ANXA10: variants seen among roughly 807,000 people sequenced by gnomAD.
The protein encoded by ANXA10 is annexin 14.
In ANXA10, 49 loss-of-function variants were observed where a neutral mutation model predicts 53.5. The ratio of observed to expected loss-of-function variants is 0.92; its 90% confidence interval spans 0.73 to 1.16. The LOEUF (loss-of-function observed/expected upper bound fraction) is 1.16, where lower values mean the gene tolerates loss of function less well. ANXA10 is among the 50% of genes most tolerant of loss of function. The pLI is 0.00. For synonymous variants in ANXA10, 131 were observed against 128.9 expected, an observed-to-expected ratio of 1.02 and a Z score of -0.11; for missense variants, 393 against 394.4, an observed-to-expected ratio of 1.00 and a Z score of 0.03.
At chr4:168,117,863 G>A (rs1456790466) in intron 1 of ANXA10, among the ~76,000 whole-genome samples, 1 of 152,102 alleles carries the variant, frequency 6.6e-6, no homozygotes, top group Non-Finnish European at 1.5e-5. Context: ...AACTGACCTT[G>A]GCCAGGATGC....
intron 1 of ANXA10, among the ~76,000 whole-genome samples, chr4:168,106,983 T>C (rs1018638480): frequency 6.6e-6 from 1 of 152,162 alleles, no homozygotes; most frequent in African/African-American, 2.4e-5. Context: ...GCCTCAAAGA[T>C]GGAGGCATTT....
chr4:168,187,009 A>G (rs1031291943), intron 11 of ANXA10, among the ~76,000 whole-genome samples: 36 of 152,206 alleles, frequency 2.4e-4, no homozygotes, highest in Admixed American at 1.1e-3. Flanking sequence ...GAGACATATT[A>G]ATTTGTTCTC....
At chr4:168,155,870 ATATATTATATGTTAT>A (rs1731636512) in intron 3 of ANXA10, among the ~76,000 whole-genome samples, 1 of 19,052 alleles carries the variant, frequency 5.2e-5, no homozygotes, top group African/African-American at 3.0e-4. Context: ...ATGATATATC[ATATATTATATGTTAT>A]ATATAATATA....
intron 1 of ANXA10, among the ~76,000 whole-genome samples, chr4:168,111,285 C>A (rs553618484): frequency 1.3e-5 from 2 of 152,220 alleles, no homozygotes; most frequent in South Asian, 4.1e-4. Context: ...ACACTTAGAT[C>A]CTATGTTAAA....
intron 3 of ANXA10, among the ~76,000 whole-genome samples, chr4:168,149,177 G>A (rs1731453948): frequency 2.6e-5 from 4 of 152,052 alleles, no homozygotes; most frequent in South Asian, 4.1e-4. Flanking sequence ...GAGGATTCAC[G>A]TATTCTGGAA....
At chr4:168,116,350 T>C (rs1730893969) in intron 1 of ANXA10, among the ~76,000 whole-genome samples, 1 of 152,214 alleles carries the variant, frequency 6.6e-6, no homozygotes, top group African/African-American at 2.4e-5. Context: ...GCTTGGAGAC[T>C]TTAGACAAAA....
intron 1 of ANXA10, among the ~76,000 whole-genome samples, chr4:168,096,972 T>C (rs1730559892): frequency 8.5e-6 from 1 of 117,686 alleles, no homozygotes. Context: ...CATATATGTA[T>C]GTGTATATAT....
At chr4:168,170,152 A>G (rs982094974) in intron 6 of ANXA10, among the ~76,000 whole-genome samples, 1 of 152,106 alleles carries the variant, frequency 6.6e-6, no homozygotes, top group African/African-American at 2.4e-5. Context: ...GTAGATATAC[A>G]TATATTTTAA....
chr4:168,104,931 C>T (rs1043323051), intron 1 of ANXA10, among the ~76,000 whole-genome samples: 8 of 151,446 alleles, frequency 5.3e-5, no homozygotes, highest in East Asian at 3.9e-4. Context: ...AATTTTATTT[C>T]GTTCTAATAT....
At chr4:168,117,435 A>G (rs181469751) in intron 1 of ANXA10, among the ~76,000 whole-genome samples, 2 of 152,348 alleles carry the variant, frequency 1.3e-5, no homozygotes, top group East Asian at 3.9e-4. Context: ...AACACATCAC[A>G]TCACTTCATG....
At chr4:168,127,955 T>C (rs10002305) in intron 1 of ANXA10, 129 bp from the exon 2 acceptor site, 459,442 of 749,324 alleles carry the variant, frequency 0.61, 145,173 homozygotes, top group African/African-American at 0.83. Flanking sequence ...AACTCCTGAC[T>C]TCAGGTGATC....
chr4:168,147,966 G>C (rs557306317), intron 3 of ANXA10, among the ~76,000 whole-genome samples: 5 of 152,172 alleles, frequency 3.3e-5, no homozygotes, highest in Non-Finnish European at 5.9e-5. Flanking sequence ...TTGATATCCT[G>C]TACAGTGGCT....
chr4:168,128,265 AAC>A, intron 2 of ANXA10, 100 bp downstream of exon 2: 1 of 765,824 alleles, frequency 1.3e-6, no homozygotes, highest in Non-Finnish European at 2.0e-6. Flanking sequence ...TGTCTTACAA[AAC>A]ACAGATACAG....
At chr4:168,156,553 G>T (rs113696902) in intron 3 of ANXA10, among the ~76,000 whole-genome samples, 2 of 149,244 alleles carry the variant, frequency 1.3e-5, no homozygotes, top group African/African-American at 5.0e-5. Flanking sequence ...ACCCAGGCTG[G>T]AATGCAATGG....
intron 1 of ANXA10, among the ~76,000 whole-genome samples, chr4:168,122,486 T>G (rs745773773): frequency 5.3e-5 from 8 of 152,214 alleles, no homozygotes; most frequent in Non-Finnish European, 1.0e-4. Flanking sequence ...GAATTCAATA[T>G]ATCATATTGT....
chr4:168,150,733 A>AT lies in ANXA10; in HGVS notation c.195+11157dup, dbSNP rs536211938. Among the ~76,000 whole-genome samples, 564 of 152,236 alleles carry AT rather than the reference A, an allele frequency of 3.7e-3. 4 individuals are homozygous for AT. Among genetic ancestry groups the AT allele is most frequent in the African/African-American group, 0.013 (537 of 41,534 alleles). Reference sequence around the variant, plus strand: ...GGTGTTAGCATGTTGCGAGGGTGGAATTTTCAGCCCTCTGACACTGAAAGG... The same window carrying AT: ...GGTGTTAGCATGTTGCGAGGGTGGAATTTTTCAGCCCTCTGACACTGAAAGG... On this transcript the variant is annotated intron_variant, in intron 3 of 11. Coordinates refer to ENST00000359299, the MANE Select transcript of ANXA10 (RefSeq NM_007193.5).
chr4:168,183,010 A>G (rs1419120427), intron 10 of ANXA10, among the ~76,000 whole-genome samples: 3 of 67,068 alleles, frequency 4.5e-5, no homozygotes, highest in African/African-American at 8.2e-5. Context: ...ACCGTCTCGG[A>G]AAAAAAAAAA....
At chr4:168,153,591 G>C (rs889194589) in intron 3 of ANXA10, among the ~76,000 whole-genome samples, 3 of 152,050 alleles carry the variant, frequency 2.0e-5, no homozygotes, top group Non-Finnish European at 4.4e-5. Flanking sequence ...GGTAGAGAAG[G>C]AAACAACCTA....
intron 1 of ANXA10, among the ~76,000 whole-genome samples, chr4:168,118,412 G>T (rs1259592104): frequency 1.3e-5 from 2 of 152,176 alleles, no homozygotes; most frequent in Middle Eastern, 3.4e-3. Context: ...AACTCTGCAG[G>T]GTCTCACTCA....
Sources: gnomAD v4.1 joint callset for allele counts (sites outside exome capture counted in the v4.1 genomes callset) on GRCh38, gnomAD v4.1.1 for gene constraint, MANE v1.5 for transcripts, NCBI Gene and HGNC (gene_info 2026-07-23, HGNC 2026-07-21) for gene names.